Variants in DNAH8 observed in about 807,000 individuals in gnomAD.
DNAH8 encodes axonemal beta dynein heavy chain 8.
In DNAH8, 382 loss-of-function variants were observed where a neutral mutation model predicts 562.1. That is an observed-to-expected ratio of 0.68 (90% CI 0.63 to 0.74). The LOEUF (loss-of-function observed/expected upper bound fraction) is 0.74, where lower values mean the gene tolerates loss of function less well. Among genes scored for constraint, DNAH8 ranks in the 30% least tolerant of loss-of-function variants. The pLI, the probability that DNAH8 is intolerant of heterozygous loss-of-function variation, is 0.00. For synonymous variants in DNAH8, 1,881 were observed against 1,919.4 expected, an observed-to-expected ratio of 0.98 and a Z score of 0.52; for missense variants, 5,203 against 5,620.4, an observed-to-expected ratio of 0.93 and a Z score of 2.37.
chr6:38,883,893 C>T lies in DNAH8; in HGVS notation c.8154C>T (p.Tyr2718=), dbSNP rs4714192. The T allele has an allele frequency of 0.24, 376,899 of 1,580,476 alleles. 46,611 individuals are homozygous for T. The highest frequency in any genetic ancestry group is 0.33 in the East Asian group (14,339 of 43,334). ...PMMFQRTIES[Y]VDKRIGSTYG... ...CTCTCTAGAGAACAATTGAAAGCTA[C>T]GTGGATAAGCGAATTGGAAGCACAT... Residue 2718 remains tyrosine, a synonymous_variant, in exon 56 of 93, where the codon TAC becomes TAT. Coordinates refer to ENST00000327475, the MANE Select transcript of DNAH8 (RefSeq NM_001206927.2).
chr6:38,832,270 G>T, intron 30 of DNAH8, 52 bp from the exon 31 acceptor site: 2 of 1,152,090 alleles, frequency 1.7e-6, no homozygotes, highest in Admixed American at 3.7e-5. Flanking sequence ...TGTAATTTTT[G>T]TTTTTAATAT....
chr6:38,944,210 T>A (rs1218319733), intron 79 of DNAH8, among the ~76,000 whole-genome samples: 2 of 152,170 alleles, frequency 1.3e-5, no homozygotes, highest in Non-Finnish European at 2.9e-5. Flanking sequence ...ATACTGTTGC[T>A]CCAGTGAGAC....
At chr6:38,804,807 T>C (rs1771116321) in intron 22 of DNAH8, among the ~76,000 whole-genome samples, 1 of 149,340 alleles carries the variant, frequency 6.7e-6, no homozygotes, top group South Asian at 2.1e-4. Context: ...AAACTGTGCC[T>C]GGAACAGTGG....
chr6:38,921,570 A>G, intron 71 of DNAH8, 64 bp downstream of exon 71: 2 of 1,528,426 alleles, frequency 1.3e-6, no homozygotes, highest in East Asian at 2.4e-5. Flanking sequence ...AGCATGCTAT[A>G]TTTGGAAATC....
At chr6:38,803,384 G>T in intron 22 of DNAH8, 73 bp downstream of exon 22, 1 of 1,195,514 alleles carries the variant, frequency 8.4e-7, no homozygotes, top group Non-Finnish European at 1.2e-6. Flanking sequence ...CTTCTGCTTA[G>T]CAGGTACTGA....
At chr6:38,785,383 T>A (rs745632566) in intron 17 of DNAH8, among the ~76,000 whole-genome samples, 20 of 152,210 alleles carry the variant, frequency 1.3e-4, no homozygotes, top group Admixed American at 1.0e-3. Context: ...ACTTCCTGAC[T>A]GTCATTATTG....
intron 18 of DNAH8, among the ~76,000 whole-genome samples, chr6:38,789,206 G>C (rs2127653320): frequency 6.6e-6 from 1 of 152,276 alleles, no homozygotes; most frequent in East Asian, 1.9e-4. Flanking sequence ...GGAATCAAGA[G>C]CTTTGAAACT....
At chr6:38,719,448 G>T (rs907371980) in intron 1 of DNAH8, among the ~76,000 whole-genome samples, 1 of 151,900 alleles carries the variant, frequency 6.6e-6, no homozygotes, top group Non-Finnish European at 1.5e-5. Flanking sequence ...TGTATCCCCA[G>T]TGTTTAGTCC....
intron 45 of DNAH8, among the ~76,000 whole-genome samples, chr6:38,866,263 C>G (rs573785420): frequency 1.3e-5 from 2 of 152,262 alleles, no homozygotes; most frequent in East Asian, 3.9e-4. Context: ...TATCAGGTAT[C>G]TATTCAGTTT....
At chr6:38,996,603 C>T (rs1765147601) in intron 88 of DNAH8, among the ~76,000 whole-genome samples, 1 of 152,164 alleles carries the variant, frequency 6.6e-6, no homozygotes, top group Non-Finnish European at 1.5e-5. Context: ...CTCGGGTACC[C>T]TGTGGGTAAG....
At chr6:38,946,931 T>C (rs1373941448) in intron 80 of DNAH8, among the ~76,000 whole-genome samples, 1 of 152,170 alleles carries the variant, frequency 6.6e-6, no homozygotes, top group African/African-American at 2.4e-5. Flanking sequence ...TTTATATTGA[T>C]ACAAGGATAT....
At chr6:38,910,449 A>C (rs1454268622) in intron 65 of DNAH8, among the ~76,000 whole-genome samples, 1 of 152,214 alleles carries the variant, frequency 6.6e-6, no homozygotes, top group East Asian at 1.9e-4. Context: ...CCTACTTCAC[A>C]AAAGTTTATT....
At position 38,775,909 on chromosome 6, in the gene DNAH8, C is replaced by T. The variant is rs78139815; in HGVS notation, c.1920C>T (p.Asp640=). ...TGGATCCAAGAAGGACAGAATTTGA[C>T]ACAGATTTCTTAGATTTCATGACAA... ...DILDPRRTEF[D]TDFLDFMTKI... The change falls in exon 13 of 93, where the codon GAC becomes GAT. Residue 640 remains aspartate (D), a synonymous_variant. Coordinates refer to ENST00000327475, the MANE Select transcript of DNAH8 (RefSeq NM_001206927.2). 6,367 of 1,612,848 alleles carry T rather than the reference C, an allele frequency of 3.9e-3. 201 individuals carry two copies. In the African/African-American group the frequency reaches 0.072, roughly 18 times the overall value.
At chr6:38,760,234 A>G (rs1417873860) in intron 10 of DNAH8, among the ~76,000 whole-genome samples, 2 of 152,128 alleles carry the variant, frequency 1.3e-5, no homozygotes, top group Non-Finnish European at 2.9e-5. Flanking sequence ...AATCACTTTC[A>G]TTTTGTCTGA....
intron 1 of DNAH8, among the ~76,000 whole-genome samples, chr6:38,721,755 G>C (rs1762773529): frequency 6.6e-6 from 1 of 152,176 alleles, no homozygotes; most frequent in Admixed American, 6.5e-5. Flanking sequence ...GGAGAGAGCA[G>C]TTGTGGGGCA....
intron 82 of DNAH8, among the ~76,000 whole-genome samples, chr6:38,963,253 CTTTTTTTTTTTTTTT>C (rs57083753): frequency 2.9e-5 from 3 of 102,612 alleles, no homozygotes; most frequent in South Asian, 3.7e-4. Context: ...AGTCCTTTTT[CTTTTTTTTTTTTTTT>C]TTTTTTTTTT....
intron 88 of DNAH8, among the ~76,000 whole-genome samples, chr6:39,000,579 A>T (rs956745891): frequency 6.6e-6 from 1 of 152,200 alleles, no homozygotes; most frequent in Non-Finnish European, 1.5e-5. Context: ...CACACTCCTT[A>T]TGAGAATTTA....
intron 35 of DNAH8, among the ~76,000 whole-genome samples, chr6:38,843,264 T>TG (rs765943625): frequency 4.6e-5 from 7 of 152,264 alleles, no homozygotes; most frequent in Non-Finnish European, 8.8e-5. Context: ...TTTTTCCTGT[T>TG]CAGTCTATTA....
intron 41 of DNAH8, among the ~76,000 whole-genome samples, chr6:38,854,562 G>A (rs932377748): frequency 1.3e-5 from 2 of 151,936 alleles, no homozygotes; most frequent in Non-Finnish European, 2.9e-5. Flanking sequence ...TAATACCCTG[G>A]GAAACTTTAG....
Sources: gnomAD v4.1 joint callset for allele counts (sites outside exome capture counted in the v4.1 genomes callset) on GRCh38, gnomAD v4.1.1 for gene constraint, MANE v1.5 for transcripts, NCBI Gene and HGNC (gene_info 2026-07-23, HGNC 2026-07-21) for gene names.